Variants in GPC6 observed in about 807,000 individuals in gnomAD.
GPC6 encodes the protein glypican 6.
In GPC6, 14 loss-of-function variants were observed where a neutral mutation model predicts 55.2. The ratio of observed to expected loss-of-function variants is 0.25; its 90% CI spans 0.17 to 0.40. The LOEUF (loss-of-function observed/expected upper bound fraction) is 0.40, where lower values mean the gene tolerates loss of function less well. Ranked by LOEUF, GPC6 falls within the 10% of genes least tolerant of loss-of-function variation. The pLI, the probability that GPC6 is intolerant of heterozygous loss-of-function variation, is 1.00. For missense variants in GPC6, 641 were observed against 708.5 expected (o/e 0.90, Z 1.08); for synonymous variants, 278 against 259.6 (o/e 1.07, Z -0.68).
At chr13:93,402,055 T>C (rs1876110059) in intron 1 of GPC6, among the ~76,000 whole-genome samples, 1 of 152,130 alleles carries the variant, frequency 6.6e-6, no homozygotes, top group Non-Finnish European at 1.5e-5. Flanking sequence ...AACTAACTGG[T>C]CCAGTGTCAT....
chr13:94,185,592 T>A (rs913922093), intron 4 of GPC6, among the ~76,000 whole-genome samples: 1 of 151,938 alleles, frequency 6.6e-6, no homozygotes, highest in African/African-American at 2.4e-5. Flanking sequence ...TTGAAAAACA[T>A]TTTCAATATA....
intron 6 of GPC6, among the ~76,000 whole-genome samples, chr13:94,318,013 C>T (rs923636317): frequency 1.3e-5 from 2 of 152,094 alleles, no homozygotes; most frequent in African/African-American, 2.4e-5. Context: ...TGTGATTCAT[C>T]ACTACTTTTT....
intron 4 of GPC6, among the ~76,000 whole-genome samples, chr13:94,077,544 T>C (rs1013360252): frequency 9.9e-5 from 15 of 151,868 alleles, no homozygotes; most frequent in African/African-American, 3.1e-4. Flanking sequence ...CCTGCCTTGT[T>C]CCTGATCTCA....
chr13:93,762,442 G>T (rs1338375768), intron 2 of GPC6, among the ~76,000 whole-genome samples: 1 of 152,108 alleles, frequency 6.6e-6, no homozygotes, highest in Non-Finnish European at 1.5e-5. Flanking sequence ...AATGCTTCTT[G>T]ACCTGTGGTC....
At chr13:93,649,287 CA>C (rs58752260) in intron 2 of GPC6, among the ~76,000 whole-genome samples, 1 of 152,090 alleles carries the variant, frequency 6.6e-6, no homozygotes, top group Non-Finnish European at 1.5e-5. Context: ...CCTGTTTCTA[CA>C]AAAATTTAAA....
At chr13:94,199,725 C>T (rs936983660) in intron 4 of GPC6, among the ~76,000 whole-genome samples, 10 of 152,086 alleles carry the variant, frequency 6.6e-5, no homozygotes, top group African/African-American at 2.4e-4. Context: ...CATGGCAAGC[C>T]CTCAATAAAT....
At chr13:94,034,607 T>A (rs1012223863) in intron 4 of GPC6, among the ~76,000 whole-genome samples, 4 of 152,052 alleles carry the variant, frequency 2.6e-5, no homozygotes, top group African/African-American at 9.7e-5. Flanking sequence ...AAGTCGTCAT[T>A]CTAGGGGATG....
chr13:93,860,707 T>C (rs911791180), intron 3 of GPC6, among the ~76,000 whole-genome samples: 1 of 151,622 alleles, frequency 6.6e-6, no homozygotes, highest in Non-Finnish European at 1.5e-5. Flanking sequence ...CCACATTAAC[T>C]TGTGTATGTG....
chr13:94,313,885 T>G (rs2139121297), intron 6 of GPC6, among the ~76,000 whole-genome samples: 1 of 152,342 alleles, frequency 6.6e-6, no homozygotes, highest in Non-Finnish European at 1.5e-5. Context: ...TTATATCTAT[T>G]TTATGGCATG....
intron 3 of GPC6, among the ~76,000 whole-genome samples, chr13:94,003,875 G>A (rs1287168682): frequency 6.6e-6 from 1 of 152,120 alleles, no homozygotes; most frequent in Non-Finnish European, 1.5e-5. Flanking sequence ...TGGAAAGAAG[G>A]TTAAATCTGC....
chr13:93,804,403 T>A (rs1015269099), intron 2 of GPC6, among the ~76,000 whole-genome samples: 2 of 152,204 alleles, frequency 1.3e-5, no homozygotes, highest in Admixed American at 6.5e-5. Flanking sequence ...ATTTTATTGA[T>A]TTGCTTCAAG....
At chr13:94,322,959 A>G (rs1039615089) in intron 6 of GPC6, among the ~76,000 whole-genome samples, 3 of 152,092 alleles carry the variant, frequency 2.0e-5, no homozygotes, top group Non-Finnish European at 4.4e-5. Context: ...ACACATGTGT[A>G]TTTTGTTTCA....
chr13:93,689,036 C>G (rs954613589), intron 2 of GPC6, among the ~76,000 whole-genome samples: 15 of 151,934 alleles, frequency 9.9e-5, no homozygotes, highest in Non-Finnish European at 1.9e-4. Flanking sequence ...ATCTCTATTT[C>G]TACTATACTA....
At chr13:93,730,184 G>A (rs1196540317) in intron 2 of GPC6, among the ~76,000 whole-genome samples, 2 of 152,074 alleles carry the variant, frequency 1.3e-5, no homozygotes, top group South Asian at 2.1e-4. Flanking sequence ...AGAATACAGA[G>A]CTCACATCAA....
chr13:94,233,338 T>C (rs1594082470), intron 4 of GPC6, among the ~76,000 whole-genome samples: 1 of 152,142 alleles, frequency 6.6e-6, no homozygotes, highest in African/African-American at 2.4e-5. Context: ...ATTAATCTTA[T>C]TGTCAATAAA....
At chr13:93,808,964 T>C (rs1179601902) in intron 2 of GPC6, among the ~76,000 whole-genome samples, 1 of 152,148 alleles carries the variant, frequency 6.6e-6, no homozygotes, top group Non-Finnish European at 1.5e-5. Flanking sequence ...GAGAAGTGCC[T>C]GTGGACTTAG....
At chr13:94,392,650 AAC>A in intron 7 of GPC6, among the ~76,000 whole-genome samples, 1 of 149,260 alleles carries the variant, frequency 6.7e-6, no homozygotes, top group South Asian at 2.2e-4. Context: ...GCTGGTCTCG[AAC>A]TCTCGACCTC....
At chr13:93,947,376 G>A (rs373818781) in intron 3 of GPC6, among the ~76,000 whole-genome samples, 34 of 151,524 alleles carry the variant, frequency 2.2e-4, no homozygotes, top group African/African-American at 6.8e-4. Flanking sequence ...ACCATCCATC[G>A]GAAAAAAAAG....
intron 1 of GPC6, among the ~76,000 whole-genome samples, chr13:93,326,507 A>G (rs1879661199): frequency 6.6e-6 from 1 of 152,150 alleles, no homozygotes; most frequent in Non-Finnish European, 1.5e-5. Context: ...ACTTATAAAA[A>G]ATCTTTGGGA....
Sources: allele counts gnomAD v4.1 joint callset (sites outside exome capture counted in the v4.1 genomes callset), GRCh38; gene constraint gnomAD v4.1.1; transcripts MANE v1.5; gene names NCBI Gene and HGNC (gene_info 2026-07-23, HGNC 2026-07-21).